Variants in TRPM5 observed in about 807,000 individuals in gnomAD.
TRPM5 encodes the protein transient receptor potential cation channel subfamily M member 5.
In TRPM5, 121 loss-of-function variants were observed where a neutral mutation model predicts 124.9. The ratio of observed to expected loss-of-function variants is 0.97; its 90% CI spans 0.84 to 1.13. The LOEUF (loss-of-function observed/expected upper bound fraction) is 1.13, where lower values mean the gene tolerates loss of function less well. TRPM5 is among the 50% of genes most tolerant of loss of function. The probability of loss-of-function intolerance (pLI) is 0.00; values close to 1 mark genes in which losing one functional copy is unlikely to be tolerated. For missense variants in TRPM5, 1,643 were observed against 1,589.1 expected (o/e 1.03, Z -0.58); for synonymous variants, 781 against 700.5 (o/e 1.11, Z -1.81).
At chr11:2,410,566 C>G (rs1266244929) in intron 18 of TRPM5, 1 of 339,388 alleles carries the variant, frequency 2.9e-6, no homozygotes, top group African/African-American at 2.2e-5. Flanking sequence ...TGAGTCCCAG[C>G]CATCCCAGGG....
chr11:2,421,116 G>A, exon 3 of TRPM5: 16 of 1,545,078 alleles, frequency 1.0e-5, no homozygotes, highest in Non-Finnish European at 1.4e-5. Context: ...TGGTGGACGT[G>A]CTGGCCAGCG....
intron 18 of TRPM5, among the ~76,000 whole-genome samples, chr11:2,410,006 T>A (rs1589867337): frequency 6.6e-6 from 1 of 152,166 alleles, no homozygotes; most frequent in African/African-American, 2.4e-5. Context: ...CCCCCAACCC[T>A]GCCCTGGCTG....
intron 5 of TRPM5, 38 bp downstream of exon 10, chr11:2,418,489 G>A (rs1162579304): frequency 6.3e-7 from 1 of 1,593,048 alleles, no homozygotes; most frequent in Non-Finnish European, 8.5e-7. Context: ...CCCTCCACAA[G>A]GCTTCGGCCA....
the TRPM5 span, among the ~76,000 whole-genome samples, chr11:2,442,167 A>G: frequency 6.6e-6 from 1 of 152,126 alleles, no homozygotes; most frequent in East Asian, 1.9e-4. This position sits in a 1 kb window ranked among gnomAD's most constrained non-coding sequence, Gnocchi z 5.9. Context: ...CTGATGCTCA[A>G]ATTGTCCCAT....
chr11:2,439,136 T>C, the TRPM5 span, among the ~76,000 whole-genome samples: 1 of 152,196 alleles, frequency 6.6e-6, no homozygotes, highest in Non-Finnish European at 1.5e-5. Context: ...TGCAGAAGAA[T>C]GAAACTGGAC....
At chr11:2,415,021 C>G in exon 10 of TRPM5, 1 of 1,603,742 alleles carries the variant, frequency 6.2e-7, no homozygotes, top group South Asian at 1.1e-5. Context: ...ACTTCTGGCC[C>G]GTGGGCCGCT....
At chr11:2,407,489 T>C (rs1850347763) in intron 19 of TRPM5, among the ~76,000 whole-genome samples, 189 bp from the exon 25 acceptor site, 1 of 152,188 alleles carries the variant, frequency 6.6e-6, no homozygotes, top group African/African-American at 2.4e-5. Flanking sequence ...CACTCTGCTC[T>C]CCTGGACAAG....
At chr11:2,415,042 C>T (rs1263124757) in exon 10 of TRPM5, 2 of 1,601,198 alleles carry the variant, frequency 1.2e-6, no homozygotes, top group Non-Finnish European at 1.7e-6. Context: ...TGGCCGGGCC[C>T]TTCTCCTGGA....
chr11:2,414,052 G>A lies in TRPM5; in HGVS notation c.1890+9C>T. On this transcript the variant is annotated intron_variant, in intron 12 of 23. Coordinates refer to ENST00000155858, the Ensembl canonical transcript of TRPM5. Reference sequence around the variant, plus strand: ...CTGGCAGCTCTCCTCGAGGACAGCTGGCACTCACCTGAACGCCGTCGTGGG... The same window carrying A: ...CTGGCAGCTCTCCTCGAGGACAGCTAGCACTCACCTGAACGCCGTCGTGGG... 7.5e-7 allele frequency: 1 copy of A among 1,324,774 alleles called. No homozygotes were observed. Among genetic ancestry groups the A allele is most frequent in the Non-Finnish European group, 1.0e-6 (1 of 1,003,266 alleles). 82.1% of individuals were successfully genotyped at this position (1,324,774 alleles called of 1,614,324 possible). A position where few individuals can be genotyped will look rare whatever the true frequency, so the allele number is the denominator to read the frequency against.
exon 9 of TRPM5, chr11:2,415,249 C>A: frequency 6.4e-7 from 1 of 1,570,850 alleles, no homozygotes; most frequent in Non-Finnish European, 8.6e-7. Context: ...GGCTCCCGGG[C>A]CTGCTGGGTG....
intron 18 of TRPM5, among the ~76,000 whole-genome samples, chr11:2,409,509 C>T (rs577226062): frequency 6.6e-6 from 1 of 152,326 alleles, no homozygotes; most frequent in East Asian, 1.9e-4. Flanking sequence ...AACCCCAGCT[C>T]CGGCTCGGCA....
chr11:2,417,973 C>T, intron 6 of TRPM5, 144 bp from the exon 12 acceptor site: 1 of 1,003,282 alleles, frequency 1.0e-6, no homozygotes, highest in Non-Finnish European at 1.5e-6. Context: ...CGGGCCCGGC[C>T]TGGGACCACC....
intron 22 of TRPM5, 54 bp downstream of exon 27, chr11:2,405,965 C>T: frequency 6.7e-7 from 1 of 1,499,846 alleles, no homozygotes; most frequent in Non-Finnish European, 9.2e-7. Context: ...ATCCCAGTAG[C>T]CCCACGCAGC....
chr11:2,434,320 CTG>C, the TRPM5 span, among the ~76,000 whole-genome samples: 11 of 146,334 alleles, frequency 7.5e-5, no homozygotes, highest in Non-Finnish European at 1.2e-4. Flanking sequence ...TGTGTGGACA[CTG>C]TGTGTGCAAA....
At chr11:2,417,588 A>T in intron 7 of TRPM5, 139 bp downstream of exon 12, 1 of 627,940 alleles carries the variant, frequency 1.6e-6, no homozygotes, top group African/African-American at 1.8e-5. Context: ...AGACAGCTTC[A>T]TGAATCATGT....
chr11:2,425,572 A>G (rs73417515), upstream of TRPM5, among the ~76,000 whole-genome samples: 1,946 of 150,876 alleles, frequency 0.013, 40 homozygotes, highest in African/African-American at 0.046. Flanking sequence ...CTGGGAGGAC[A>G]CCACTTAATG....
exon 18 of TRPM5, chr11:2,411,521 C>G (rs1360930295): frequency 1.1e-5 from 18 of 1,608,348 alleles, no homozygotes; most frequent in Non-Finnish European, 1.5e-5. Flanking sequence ...AGAAGACGTC[C>G]TTCATCTCCA....
chr11:2,425,639 C>CTGGGCGGGGGTCCTCACCT (rs2133540707), upstream of TRPM5, among the ~76,000 whole-genome samples: 1 of 152,330 alleles, frequency 6.6e-6, no homozygotes, highest in East Asian at 1.9e-4. Flanking sequence ...AGTCCTCACC[C>CTGGGCGGGGGTCCTCACCT]TGGGCGGGGG....
upstream of TRPM5, among the ~76,000 whole-genome samples, chr11:2,423,947 A>G (rs1262009080): frequency 1.3e-5 from 2 of 152,138 alleles, no homozygotes; most frequent in African/African-American, 2.4e-5. Flanking sequence ...TGAAAACTCA[A>G]TATTGGAAGC....
Sources: gnomAD v4.1 joint callset for allele counts (sites outside exome capture counted in the v4.1 genomes callset) on GRCh38, gnomAD v4.1.1 for gene constraint, Gnocchi (gnomAD v3.1) non-coding constraint, MANE v1.5 for transcripts, NCBI Gene and HGNC (gene_info 2026-07-23, HGNC 2026-07-21) for gene names.